CSNK1G1: variants seen among roughly 807,000 people sequenced by gnomAD.
CSNK1G1 encodes casein kinase I isoform gamma-1.
A neutral mutation model predicts 59.6 loss-of-function variants in CSNK1G1; 22 were observed. The ratio of observed to expected loss-of-function variants is 0.37; its 90% confidence interval spans 0.26 to 0.53. The LOEUF (loss-of-function observed/expected upper bound fraction) is 0.53, where lower values mean the gene tolerates loss of function less well. CSNK1G1 is among the 20% of genes least tolerant of loss of function. The probability of loss-of-function intolerance (pLI) is 0.89; values close to 1 mark genes in which losing one functional copy is unlikely to be tolerated. For missense variants in CSNK1G1, 384 were observed against 519.5 expected (o/e 0.74, Z 2.54); for synonymous variants, 179 against 177.1 (o/e 1.01, Z -0.08).
chr15:64,353,166 C>T (rs1898412208), intron 1 of CSNK1G1, among the ~76,000 whole-genome samples: 1 of 152,108 alleles, frequency 6.6e-6, no homozygotes, highest in South Asian at 2.1e-4. Context: ...AACTGAATTG[C>T]AAACTTTGTA....
chr15:64,217,457 A>G lies in CSNK1G1; in HGVS notation c.293-744T>C, dbSNP rs576455564. Among the ~76,000 whole-genome samples, 3 of 152,338 alleles carry G rather than the reference A, an allele frequency of 2.0e-5. No individual in the cohort carries two copies. In the South Asian group the frequency reaches 6.2e-4, roughly 32 times the overall value. On this transcript the variant is annotated intron_variant, in intron 4 of 11. Coordinates refer to ENST00000303052, the MANE Select transcript of CSNK1G1 (RefSeq NM_022048.5). ...CAAATTGTGAATGAATTTCCTTTAT[A>G]AAGTGCATTGTAAATATGAGGCATT...
intron 1 of CSNK1G1, among the ~76,000 whole-genome samples, chr15:64,325,936 T>C (rs187473197): frequency 2.0e-5 from 3 of 152,300 alleles, no homozygotes; most frequent in East Asian, 3.9e-4. Flanking sequence ...TGTCATATCT[T>C]ATATTACATC....
At chr15:64,255,141 A>G (rs954692509) in intron 3 of CSNK1G1, among the ~76,000 whole-genome samples, 4 of 152,100 alleles carry the variant, frequency 2.6e-5, no homozygotes, top group Non-Finnish European at 5.9e-5. Context: ...CAATGGCACA[A>G]TCTCAGCTCA....
rs182612325 is a variant in CSNK1G1 at position 64,199,800 on chromosome 15, G to A, written c.1107+3282C>T. ...CCCGGGAGGTGGAGGTTGCAGTGACGCGAGATCGCGCCACTGCACACCACC... is the reference window on the plus strand; with the variant it reads ...CCCGGGAGGTGGAGGTTGCAGTGACACGAGATCGCGCCACTGCACACCACC... On this transcript the variant is annotated intron_variant, in intron 10 of 11. Transcript: ENST00000303052. Among the ~76,000 whole-genome samples the A allele has an allele frequency of 1.6e-3, 246 of 151,836 alleles. 2 individuals carry two copies. The highest frequency in any genetic ancestry group is 5.7e-3 in the African/African-American group (237 of 41,464).
At chr15:64,314,879 G>C (rs1448035876) in intron 1 of CSNK1G1, among the ~76,000 whole-genome samples, 2 of 152,092 alleles carry the variant, frequency 1.3e-5, no homozygotes, top group Non-Finnish European at 2.9e-5. Flanking sequence ...TCATTCATGT[G>C]TTGAACACTT....
At chr15:64,263,608 T>C (rs1474889495) in intron 2 of CSNK1G1, among the ~76,000 whole-genome samples, 1 of 152,148 alleles carries the variant, frequency 6.6e-6, no homozygotes, top group Admixed American at 6.6e-5. Context: ...CTTTGTGAAG[T>C]TCCTAGTGTC....
At chr15:64,235,314 G>T (rs1238139392) in intron 4 of CSNK1G1, among the ~76,000 whole-genome samples, 1 of 152,162 alleles carries the variant, frequency 6.6e-6, no homozygotes, top group Non-Finnish European at 1.5e-5. Flanking sequence ...ATATATAGCT[G>T]CTCTACCTCC....
At chr15:64,272,306 C>A (rs1259423563) in intron 2 of CSNK1G1, among the ~76,000 whole-genome samples, 1 of 151,798 alleles carries the variant, frequency 6.6e-6, no homozygotes, top group Non-Finnish European at 1.5e-5. Context: ...AGCTCTGCCT[C>A]CTGGGTTCAT....
At chr15:64,324,717 T>A (rs1160948554) in intron 1 of CSNK1G1, among the ~76,000 whole-genome samples, 1 of 152,236 alleles carries the variant, frequency 6.6e-6, no homozygotes, top group Non-Finnish European at 1.5e-5. Flanking sequence ...CCTTCATATA[T>A]ACATATATTC....
intron 10 of CSNK1G1, among the ~76,000 whole-genome samples, chr15:64,189,164 AT>A (rs1277293410): frequency 6.6e-6 from 1 of 152,098 alleles, no homozygotes; most frequent in Non-Finnish European, 1.5e-5. Flanking sequence ...AAATAGCTAC[AT>A]CGTTTGCCTG....
intron 2 of CSNK1G1, among the ~76,000 whole-genome samples, chr15:64,281,832 GA>G: frequency 6.7e-6 from 1 of 150,286 alleles, no homozygotes; most frequent in African/African-American, 2.4e-5. Flanking sequence ...AAAAGTTCTA[GA>G]GATGTATTTC....
chr15:64,292,193 G>C (rs1258889221), intron 2 of CSNK1G1, among the ~76,000 whole-genome samples: 2 of 148,160 alleles, frequency 1.3e-5, no homozygotes, highest in Non-Finnish European at 3.0e-5. Context: ...CTGGGCGACA[G>C]AGCGAGACTC....
intron 2 of CSNK1G1, among the ~76,000 whole-genome samples, chr15:64,275,932 T>A (rs1000419415): frequency 3.9e-5 from 6 of 152,114 alleles, no homozygotes; most frequent in African/African-American, 1.4e-4. Flanking sequence ...TAAAAAGCAG[T>A]TTCAATTATT....
At chr15:64,274,163 G>A (rs1348124466) in intron 2 of CSNK1G1, among the ~76,000 whole-genome samples, 2 of 133,600 alleles carry the variant, frequency 1.5e-5, no homozygotes, top group African/African-American at 6.5e-5. Flanking sequence ...TTCTTAAGAG[G>A]CACTGGAGGT....
At position 64,165,855 on chromosome 15, in the gene CSNK1G1, G is replaced by A; in HGVS notation, c.*6076C>T. On this transcript the variant is annotated 3_prime_UTR_variant, in exon 12 of 12. Coordinates refer to ENST00000303052, the MANE Select transcript of CSNK1G1 (RefSeq NM_022048.5). The stretch of plus-strand genomic sequence containing the variant: ...CATTTGTGTTTTCCATGGTGCCCTA[G>A]GAAATGGGCTACTCTGAGATCACAT... The A allele has an allele frequency of 4.6e-6, 2 of 436,626 alleles. No homozygotes were observed. Among genetic ancestry groups the A allele is most frequent in the Non-Finnish European group, 4.0e-6 (1 of 247,048 alleles). 27.0% of individuals were successfully genotyped at this position (436,626 alleles called of 1,614,324 possible). A position where few individuals can be genotyped will look rare whatever the true frequency, so the allele number is the denominator to read the frequency against.
chr15:64,219,176 GTTGTT>G (rs1470455164), intron 4 of CSNK1G1, among the ~76,000 whole-genome samples: 1 of 151,902 alleles, frequency 6.6e-6, no homozygotes, highest in African/African-American at 2.4e-5. Context: ...TTTTTTCCCG[GTTGTT>G]TTGAAGAAGT....
chr15:64,223,906 A>G (rs540711022), intron 4 of CSNK1G1, among the ~76,000 whole-genome samples: 2 of 152,290 alleles, frequency 1.3e-5, no homozygotes, highest in African/African-American at 4.8e-5. Flanking sequence ...AAATACACCA[A>G]TTCAAGGAAA....
chr15:64,241,868 A>G (rs1233370071), intron 4 of CSNK1G1, among the ~76,000 whole-genome samples: 2 of 152,082 alleles, frequency 1.3e-5, no homozygotes, highest in East Asian at 3.8e-4. Flanking sequence ...AGCAGAAATC[A>G]ACAAAATTAA....
intron 10 of CSNK1G1, among the ~76,000 whole-genome samples, chr15:64,201,398 T>G (rs62024566): frequency 6.6e-6 from 1 of 151,998 alleles, no homozygotes; most frequent in Admixed American, 6.6e-5. Context: ...CACTAGCTAT[T>G]AGCTTTTAAA....
Sources: allele counts gnomAD v4.1 joint callset (sites outside exome capture counted in the v4.1 genomes callset), GRCh38; gene constraint gnomAD v4.1.1; transcripts MANE v1.5; gene names NCBI Gene and HGNC (gene_info 2026-07-23, HGNC 2026-07-21).